SYCP1: variants seen among roughly 807,000 people sequenced by gnomAD.
SYCP1 encodes synaptonemal complex protein 1, also known as cancer/testis antigen 8.
Under a neutral mutation model 153.1 loss-of-function variants are expected in SYCP1, and 64 were observed. That is an observed-to-expected ratio of 0.42 (90% CI 0.34 to 0.51). The LOEUF (loss-of-function observed/expected upper bound fraction) is 0.51, where lower values mean the gene tolerates loss of function less well. SYCP1 is among the 20% of genes least tolerant of loss of function. SYCP1 has a pLI of 0.06. For missense variants in SYCP1, 997 were observed against 1,049.0 expected, an observed-to-expected ratio of 0.95 and a Z score of 0.68; for synonymous variants, 384 against 341.8, an observed-to-expected ratio of 1.12 and a Z score of -1.36.
At chr1:114,990,978 C>T (rs1187375647) in intron 30 of SYCP1, among the ~76,000 whole-genome samples, 1 of 151,928 alleles carries the variant, frequency 6.6e-6, no homozygotes, top group Non-Finnish European at 1.5e-5. Flanking sequence ...TCCCCCATAC[C>T]TTGCCCTACG....
intron 27 of SYCP1, among the ~76,000 whole-genome samples, chr1:114,958,653 G>A (rs564686632): frequency 6.6e-6 from 1 of 151,616 alleles, no homozygotes; most frequent in East Asian, 1.9e-4. Context: ...GGGTGCGGTG[G>A]CCCATGCCTG....
At chr1:114,908,992 G>A (rs1411843194) in intron 16 of SYCP1, among the ~76,000 whole-genome samples, 3 of 152,104 alleles carry the variant, frequency 2.0e-5, no homozygotes, top group Non-Finnish European at 2.9e-5. Flanking sequence ...TTATCTATCA[G>A]TTTGCTAGAT....
chr1:114,882,246 A>G (rs960378760), intron 12 of SYCP1, among the ~76,000 whole-genome samples: 3 of 152,108 alleles, frequency 2.0e-5, no homozygotes, highest in Admixed American at 2.0e-4. Flanking sequence ...AAACCAAAAT[A>G]AAAACCTTCA....
At chr1:114,873,407 G>A (rs910713965) in intron 8 of SYCP1, among the ~76,000 whole-genome samples, 3 of 152,172 alleles carry the variant, frequency 2.0e-5, no homozygotes, top group African/African-American at 7.2e-5. Context: ...GATGGGACAA[G>A]GTGGTAGAGT....
At chr1:114,905,919 T>C (rs756874117) in intron 16 of SYCP1, among the ~76,000 whole-genome samples, 20 of 152,248 alleles carry the variant, frequency 1.3e-4, no homozygotes, top group South Asian at 2.1e-4. Flanking sequence ...GTCTGTAGGA[T>C]TACCTTCTTT....
chr1:114,855,644 C>A, intron 2 of SYCP1, 72 bp downstream of exon 2: 1 of 1,201,054 alleles, frequency 8.3e-7, no homozygotes, highest in Non-Finnish European at 1.2e-6. Flanking sequence ...TACTTTCTTC[C>A]TGGTGGTGTT....
At chr1:114,950,142 G>A (rs925651627) in intron 27 of SYCP1, among the ~76,000 whole-genome samples, 9 of 152,184 alleles carry the variant, frequency 5.9e-5, no homozygotes, top group Non-Finnish European at 1.3e-4. Flanking sequence ...TGGAATGTGA[G>A]CAAAAGTGGC....
Position 114,881,051 on chromosome 1 carries a change from G to GTATATATATA in SYCP1, c.910+2855_910+2856insTATATATATA, listed in dbSNP as rs150631241. Among the ~76,000 whole-genome samples, 38 of 38,834 alleles carry GTATATATATA rather than the reference G, an allele frequency of 9.8e-4. 1 individual carries two copies. The highest frequency in any genetic ancestry group is 2.8e-3 in the African/African-American group (38 of 13,530). The allele number at this position is 38,834 out of a possible 152,430, so 25.5% of individuals were successfully genotyped here. A position where few individuals can be genotyped will look rare whatever the true frequency, so the allele number is the denominator to read the frequency against. On this transcript the variant is annotated intron_variant, in intron 12 of 31. Transcript: ENST00000369522. The stretch of plus-strand genomic sequence containing the variant: ...ATGGCTGAACAGTATTCCAATTTGT[G>GTATATATATA]TATATACACACACACACACACACAC...
chr1:114,901,009 T>G (rs542241417), intron 16 of SYCP1, among the ~76,000 whole-genome samples: 1 of 152,320 alleles, frequency 6.6e-6, no homozygotes, highest in African/African-American at 2.4e-5. Flanking sequence ...TATCTTCCCT[T>G]TAAAAAATAT....
At chr1:114,878,286 T>C (rs1665680532) in intron 12 of SYCP1, 84 bp downstream of exon 12, 3 of 912,836 alleles carry the variant, frequency 3.3e-6, no homozygotes, top group Non-Finnish European at 5.1e-6. Flanking sequence ...TACAAGTTTG[T>C]TGTAATGCTT....
intron 21 of SYCP1, 65 bp from the exon 22 acceptor site, chr1:114,926,213 T>C (rs994378304): frequency 3.2e-6 from 4 of 1,238,340 alleles, no homozygotes; most frequent in East Asian, 5.6e-5. Flanking sequence ...TTTTTATTAG[T>C]CTGAAATTGC....
Position 114,995,342 on chromosome 1 carries a change from C to A in SYCP1, c.*323C>A. On this transcript the variant is annotated 3_prime_UTR_variant, in exon 32 of 32. Coordinates refer to ENST00000369522, the MANE Select transcript of SYCP1 (RefSeq NM_003176.4). ...GCATTATTGAGGGTCATTCTTTATT[C>A]TTTACTATTAAAATATTTTGGATGC... The A allele has an allele frequency of 5.7e-6, 1 of 175,794 alleles. No homozygotes were observed. The highest frequency in any genetic ancestry group is 1.2e-5 in the Non-Finnish European group (1 of 83,028). The allele number at this position is 175,794 out of a possible 1,614,324, so 10.9% of individuals were successfully genotyped here.
rs1284983083 is a variant in SYCP1 at position 114,876,811 on chromosome 1, G to GT, written c.801+7dup. ...GGAAATAAATGACAAGGAAAAGCAG[G>GT]TTTTTTAAAAAACCAACTCTTTGTA... On this transcript the variant is annotated splice_donor_variant, in intron 11 of 31. Transcript: ENST00000369522. LOFTEE classifies it high-confidence loss of function. 1.4e-6 allele frequency: 2 copies of GT among 1,380,440 alleles called. No homozygotes were observed. Among genetic ancestry groups the GT allele is most frequent in the Admixed American group, 3.1e-5 (1 of 32,348 alleles). 85.5% of individuals were successfully genotyped at this position (1,380,440 alleles called of 1,614,324 possible).
At chr1:114,858,969 T>C in intron 6 of SYCP1, among the ~76,000 whole-genome samples, 1 of 152,354 alleles carries the variant, frequency 6.6e-6, no homozygotes, top group Non-Finnish European at 1.5e-5. Context: ...GATTTAATGA[T>C]TCTAATTTAT....
At chr1:114,896,266 G>A (rs962626766) in intron 16 of SYCP1, among the ~76,000 whole-genome samples, 4 of 152,144 alleles carry the variant, frequency 2.6e-5, no homozygotes, top group African/African-American at 9.6e-5. Context: ...TCTGTCCCTT[G>A]GGGAGCATTA....
chr1:114,907,456 A>G (rs1023126096), intron 16 of SYCP1, among the ~76,000 whole-genome samples: 2 of 151,924 alleles, frequency 1.3e-5, no homozygotes, highest in Non-Finnish European at 2.9e-5. Flanking sequence ...GTTTTAATGT[A>G]TCTACTGGTA....
chr1:114,966,142 T>C (rs1007832293), intron 27 of SYCP1, among the ~76,000 whole-genome samples: 4 of 152,194 alleles, frequency 2.6e-5, no homozygotes, highest in African/African-American at 9.7e-5. Flanking sequence ...GAGGTGTTTA[T>C]AGTATTCTCT....
intron 1 of SYCP1, 47 bp from the exon 2 acceptor site, chr1:114,855,394 C>A: frequency 8.6e-7 from 1 of 1,158,920 alleles, no homozygotes; most frequent in South Asian, 1.3e-5. Flanking sequence ...TCATGACACT[C>A]GGTGAAAAAA....
At chr1:114,960,184 T>C (rs1354817582) in intron 27 of SYCP1, among the ~76,000 whole-genome samples, 1 of 148,216 alleles carries the variant, frequency 6.7e-6, no homozygotes, top group African/African-American at 2.5e-5. Context: ...TTTTTTTTTT[T>C]TGAGATGGAG....
Sources: gnomAD v4.1 joint callset for allele counts (sites outside exome capture counted in the v4.1 genomes callset) on GRCh38, gnomAD v4.1.1 for gene constraint, MANE v1.5 for transcripts, NCBI Gene and HGNC (gene_info 2026-07-23, HGNC 2026-07-21) for gene names.